The following CSMD3 variants were observed in gnomAD, a reference collection of about 807,000 sequenced individuals.
CSMD3 encodes CUB and sushi domain-containing protein 3.
CSMD3 carries 177 observed loss-of-function variants against 435.2 expected under a neutral mutation model. The ratio of observed to expected loss-of-function variants is 0.41; its 90% CI spans 0.36 to 0.46. The LOEUF is 0.46. CSMD3 is among the 20% of genes least tolerant of loss of function. CSMD3 has a pLI of 0.34. For synonymous variants in CSMD3, 1,656 were observed against 1,520.5 expected (o/e 1.09, Z -2.07); for missense variants, 4,265 against 4,504.6 (o/e 0.95, Z 1.52).
At chr8:112,874,821 G>T (rs2081234590) in intron 10 of CSMD3, among the ~76,000 whole-genome samples, 1 of 152,004 alleles carries the variant, frequency 6.6e-6, no homozygotes, top group Non-Finnish European at 1.5e-5. Flanking sequence ...CTTTGCACTT[G>T]AGATGAGTCT....
At chr8:113,067,794 T>C (rs1017536417) in intron 5 of CSMD3, among the ~76,000 whole-genome samples, 12 of 152,132 alleles carry the variant, frequency 7.9e-5, no homozygotes, top group African/African-American at 2.7e-4. Context: ...CTAGCAGTGG[T>C]TAATGCATGG....
At chr8:113,310,613 A>C (rs1014654985) in intron 2 of CSMD3, 2 of 151,888 alleles carry the variant, frequency 1.3e-5, no homozygotes, top group Non-Finnish European at 2.9e-5. Flanking sequence ...AGATATATGT[A>C]AATAATCAAA....
At chr8:113,341,801 C>T (rs746901645) in intron 1 of CSMD3, among the ~76,000 whole-genome samples, 3 of 152,020 alleles carry the variant, frequency 2.0e-5, no homozygotes, top group Admixed American at 1.3e-4. Flanking sequence ...GTTTATCAGT[C>T]GTATTGGTCC....
chr8:112,252,703 A>G, intron 63 of CSMD3, among the ~76,000 whole-genome samples: 1 of 148,088 alleles, frequency 6.8e-6, no homozygotes, highest in South Asian at 2.1e-4. Flanking sequence ...ATATATATAT[A>G]TATATACACA....
chr8:113,262,660 A>T (rs370109292), intron 3 of CSMD3, among the ~76,000 whole-genome samples: 1 of 152,050 alleles, frequency 6.6e-6, no homozygotes, highest in Non-Finnish European at 1.5e-5. Context: ...ACGGTCTTTG[A>T]GAAAGTCATG....
At position 112,223,843 on chromosome 8, in the gene CSMD3, G is replaced by A. The variant is rs750385708; in HGVS notation, c.*928C>T. 2.8e-4 allele frequency: 42 copies of A among 152,002 alleles called. No homozygotes were observed. The highest frequency in any genetic ancestry group is 5.8e-4 in the African/African-American group (24 of 41,408). 9.4% of individuals were successfully genotyped at this position (152,002 alleles called of 1,614,324 possible). On this transcript the variant is annotated 3_prime_UTR_variant, in exon 71 of 71. Coordinates refer to ENST00000297405, the MANE Select transcript of CSMD3 (RefSeq NM_198123.2). ...GATTATTAGGACATTTTATTTGGTCGATCAAAAATATTGTAAAATAAAGGA... is the reference window on the plus strand; with the variant it reads ...GATTATTAGGACATTTTATTTGGTCAATCAAAAATATTGTAAAATAAAGGA...
At chr8:113,043,017 C>A (rs910514197) in intron 5 of CSMD3, among the ~76,000 whole-genome samples, 2 of 152,118 alleles carry the variant, frequency 1.3e-5, no homozygotes, top group African/African-American at 4.8e-5. Flanking sequence ...CATATATAAA[C>A]AAAATTATTA....
chr8:112,893,502 T>C (rs1007942303), intron 10 of CSMD3, among the ~76,000 whole-genome samples: 3 of 151,508 alleles, frequency 2.0e-5, no homozygotes, highest in African/African-American at 7.3e-5. Context: ...ACAGCCACCA[T>C]TGAGAACCAC....
intron 17 of CSMD3, among the ~76,000 whole-genome samples, chr8:112,658,358 T>C (rs2075303588): frequency 1.3e-5 from 2 of 152,264 alleles, no homozygotes; most frequent in South Asian, 4.1e-4. Flanking sequence ...CCAGAACTAA[T>C]TGAATGGATT....
chr8:112,586,616 A>G (rs1034588556), intron 23 of CSMD3, among the ~76,000 whole-genome samples: 2 of 151,124 alleles, frequency 1.3e-5, no homozygotes, highest in Non-Finnish European at 3.0e-5. Flanking sequence ...TAAATGCAAA[A>G]GATTCTTCAC....
At chr8:112,961,569 A>C (rs2084231001) in intron 7 of CSMD3, among the ~76,000 whole-genome samples, 1 of 151,876 alleles carries the variant, frequency 6.6e-6, no homozygotes, top group Non-Finnish European at 1.5e-5. Context: ...TTAGGCTAAG[A>C]AATAAGTGTA....
chr8:112,890,505 A>G (rs2081752943), intron 10 of CSMD3, among the ~76,000 whole-genome samples: 1 of 151,656 alleles, frequency 6.6e-6, no homozygotes, highest in Non-Finnish European at 1.5e-5. Context: ...TCATAAGCAT[A>G]TGATACTTCA....
At chr8:112,388,450 T>C (rs1586957187) in intron 36 of CSMD3, among the ~76,000 whole-genome samples, 1 of 152,140 alleles carries the variant, frequency 6.6e-6, no homozygotes, top group East Asian at 1.9e-4. Flanking sequence ...AAGAGATTTA[T>C]GAAAGACAAA....
chr8:112,370,082 A>AAGAAGTAGT (rs1285510394), intron 38 of CSMD3, among the ~76,000 whole-genome samples: 21 of 103,510 alleles, frequency 2.0e-4, no homozygotes, highest in East Asian at 1.5e-3. Flanking sequence ...GAAGAAGAAG[A>AAGAAGTAGT]AGTAGTAGTA....
At chr8:113,389,000 C>T (rs1190283478) in intron 1 of CSMD3, among the ~76,000 whole-genome samples, 2 of 148,336 alleles carry the variant, frequency 1.3e-5, no homozygotes, top group Non-Finnish European at 3.0e-5. Flanking sequence ...TCTTTTTCTA[C>T]CTCTACCTCA....
intron 8 of CSMD3, among the ~76,000 whole-genome samples, chr8:112,949,453 A>C (rs1299903377): frequency 6.6e-6 from 1 of 151,940 alleles, no homozygotes; most frequent in Non-Finnish European, 1.5e-5. Flanking sequence ...ACTACAGCGG[A>C]CAAATTGAAA....
intron 32 of CSMD3, among the ~76,000 whole-genome samples, chr8:112,410,497 T>TATAC (rs1443928620): frequency 1.2e-5 from 1 of 83,846 alleles, no homozygotes; most frequent in African/African-American, 1.3e-4. Context: ...ATACTCCAAA[T>TATAC]ATATATATAT....
At chr8:112,567,601 A>G (rs1359458081) in intron 24 of CSMD3, among the ~76,000 whole-genome samples, 1 of 152,198 alleles carries the variant, frequency 6.6e-6, no homozygotes, top group Non-Finnish European at 1.5e-5. Flanking sequence ...GTGACCAAGT[A>G]GAAATGATAT....
chr8:112,318,804 A>G (rs745936694), intron 47 of CSMD3, 33 bp downstream of exon 47: 2 of 1,400,356 alleles, frequency 1.4e-6, no homozygotes, highest in South Asian at 2.3e-5. Context: ...GCAAATATTT[A>G]AGAAATAAAT....
Sources: allele counts gnomAD v4.1 joint callset (sites outside exome capture counted in the v4.1 genomes callset), GRCh38; gene constraint gnomAD v4.1.1; transcripts MANE v1.5; gene names NCBI Gene and HGNC (gene_info 2026-07-23, HGNC 2026-07-21).